ZNF385D: variants seen among roughly 807,000 people sequenced by gnomAD.
The protein encoded by ZNF385D is zinc finger protein 385D, also known as zinc finger protein 659.
ZNF385D carries 15 observed loss-of-function variants against 35.8 expected under a neutral mutation model. That is an observed-to-expected ratio of 0.42 (90% CI 0.28 to 0.64). The LOEUF is 0.64. Among genes scored for constraint, ZNF385D ranks in the 30% least tolerant of loss-of-function variants. The pLI, the probability that ZNF385D is intolerant of heterozygous loss-of-function variation, is 0.23. For synonymous variants in ZNF385D, 212 were observed against 186.8 expected, an observed-to-expected ratio of 1.13 and a Z score of -1.10; for missense variants, 474 against 494.6, an observed-to-expected ratio of 0.96 and a Z score of 0.39.
chr3:22,026,279 C>T (rs2125465819), intron 3 of ZNF385D, among the ~76,000 whole-genome samples: 1 of 152,256 alleles, frequency 6.6e-6, no homozygotes, highest in African/African-American at 2.4e-5. Context: ...TCCTAAACCC[C>T]TTGAATGAAG....
At chr3:22,227,905 G>A (rs1382765125) in intron 2 of ZNF385D, among the ~76,000 whole-genome samples, 1 of 152,162 alleles carries the variant, frequency 6.6e-6, no homozygotes, top group Non-Finnish European at 1.5e-5. Flanking sequence ...GCTCTGCAAG[G>A]AGTACCTCTG....
intron 3 of ZNF385D, among the ~76,000 whole-genome samples, chr3:22,040,207 C>G (rs174103): frequency 2.0e-5 from 3 of 152,002 alleles, no homozygotes; most frequent in Non-Finnish European, 4.4e-5. Context: ...TTTGTAAATG[C>G]TTCCTTTATT....
chr3:22,006,495 T>TCAA (rs1696211787), intron 3 of ZNF385D, among the ~76,000 whole-genome samples: 1 of 152,046 alleles, frequency 6.6e-6, no homozygotes, highest in Non-Finnish European at 1.5e-5. Context: ...TGATTTGGAA[T>TCAA]AATTATCTCT....
chr3:21,624,948 G>C (rs1018812330), intron 2 of ZNF385D, among the ~76,000 whole-genome samples: 2 of 151,992 alleles, frequency 1.3e-5, no homozygotes, highest in African/African-American at 4.8e-5. Flanking sequence ...GCTTTAAAAG[G>C]AGGGATAAAG....
At chr3:21,717,294 A>C (rs1374464215) in intron 1 of ZNF385D, among the ~76,000 whole-genome samples, 1 of 152,184 alleles carries the variant, frequency 6.6e-6, no homozygotes, top group Non-Finnish European at 1.5e-5. Context: ...AAAATCACAT[A>C]ATACATTCAA....
chr3:21,715,980 G>A (rs1286018245), intron 1 of ZNF385D, among the ~76,000 whole-genome samples: 1 of 152,022 alleles, frequency 6.6e-6, no homozygotes, highest in Non-Finnish European at 1.5e-5. Flanking sequence ...TTCATCTCAG[G>A]AAACGGCAGC....
intron 3 of ZNF385D, among the ~76,000 whole-genome samples, chr3:21,942,966 T>C (rs1225474943): frequency 1.3e-5 from 2 of 152,196 alleles, no homozygotes; most frequent in African/African-American, 2.4e-5. Context: ...TTAACCCTTC[T>C]AGGTCCACAC....
At chr3:21,995,833 G>T (rs1423870523) in intron 3 of ZNF385D, among the ~76,000 whole-genome samples, 4 of 151,908 alleles carry the variant, frequency 2.6e-5, no homozygotes, top group Non-Finnish European at 5.9e-5. Context: ...TGTCAGCATC[G>T]CCAGGCAAGC....
Position 22,040,322 on chromosome 3 carries a change from C to G in ZNF385D, c.325+128495G>C, listed in dbSNP as rs143743361. Among the ~76,000 whole-genome samples the G allele has an allele frequency of 6.6e-3, 998 of 152,256 alleles. 11 individuals are homozygous for G. The highest frequency in any genetic ancestry group is 0.018 in the Admixed American group (273 of 15,276). On this transcript the variant is annotated intron_variant, in intron 3 of 5. Coordinates refer to the ZNF385D transcript ENST00000494108. ...TCATATTATTCACATTTAATTCTTA[C>G]TACACTTTAAGGAAGGTTTGGTTAT...
At chr3:22,161,059 A>G (rs1461027538) in intron 3 of ZNF385D, among the ~76,000 whole-genome samples, 3 of 152,114 alleles carry the variant, frequency 2.0e-5, no homozygotes, top group Admixed American at 1.3e-4. Flanking sequence ...ATACTTTAAT[A>G]CTTCATTCTA....
At chr3:21,883,421 C>G (rs1444752997) in intron 3 of ZNF385D, among the ~76,000 whole-genome samples, 1 of 151,948 alleles carries the variant, frequency 6.6e-6, no homozygotes, top group Non-Finnish European at 1.5e-5. Context: ...GTTACATATT[C>G]TGGGCCTTCA....
At chr3:21,642,724 A>G (rs948549808) in intron 2 of ZNF385D, among the ~76,000 whole-genome samples, 2 of 152,162 alleles carry the variant, frequency 1.3e-5, no homozygotes, top group Non-Finnish European at 2.9e-5. Context: ...GACGAACAAA[A>G]TGTGGTTTAT....
intron 2 of ZNF385D, among the ~76,000 whole-genome samples, chr3:22,250,690 A>G (rs2125328256): frequency 6.6e-6 from 1 of 152,236 alleles, no homozygotes; most frequent in Non-Finnish European, 1.5e-5. Flanking sequence ...GCCCCATGCC[A>G]TTGCACAGGT....
At chr3:22,005,079 A>C (rs1029685334) in intron 3 of ZNF385D, among the ~76,000 whole-genome samples, 6 of 148,490 alleles carry the variant, frequency 4.0e-5, no homozygotes, top group African/African-American at 1.5e-4. Flanking sequence ...AAAAAAAAAA[A>C]AAAAAGGCAG....
chr3:21,830,719 G>A (rs1694939071), intron 3 of ZNF385D, among the ~76,000 whole-genome samples: 1 of 152,154 alleles, frequency 6.6e-6, no homozygotes. Flanking sequence ...TCCTTGTTGT[G>A]ATTTCCTTGG....
chr3:22,165,606 T>C (rs922754725), intron 3 of ZNF385D, among the ~76,000 whole-genome samples: 3 of 152,240 alleles, frequency 2.0e-5, no homozygotes, highest in African/African-American at 7.2e-5. Context: ...AAATTAGGTT[T>C]GCTTTCATAA....
chr3:21,898,585 G>C (rs1417619735), intron 3 of ZNF385D, among the ~76,000 whole-genome samples: 1 of 152,078 alleles, frequency 6.6e-6, no homozygotes, highest in Non-Finnish European at 1.5e-5. Flanking sequence ...TTTACCAGAA[G>C]TTGTAAATGC....
intron 3 of ZNF385D, among the ~76,000 whole-genome samples, chr3:21,778,859 C>A (rs1029199617): frequency 1.3e-5 from 2 of 151,774 alleles, no homozygotes; most frequent in African/African-American, 2.4e-5. Context: ...TTTAATGAAA[C>A]AAAATCACTG....
chr3:22,091,022 G>A (rs1230002898), intron 3 of ZNF385D, among the ~76,000 whole-genome samples: 1 of 152,180 alleles, frequency 6.6e-6, no homozygotes, highest in Non-Finnish European at 1.5e-5. Flanking sequence ...TAGAAACATG[G>A]TGGGGTGGGA....
Sources: allele counts gnomAD v4.1 joint callset (sites outside exome capture counted in the v4.1 genomes callset), GRCh38; gene constraint gnomAD v4.1.1; transcripts MANE v1.5; gene names NCBI Gene and HGNC (gene_info 2026-07-23, HGNC 2026-07-21).